Variants in MAGI2 observed in about 807,000 individuals in gnomAD.
MAGI2 encodes membrane associated guanylate kinase, WW and PDZ domain containing 2.
Under a neutral mutation model 133.3 loss-of-function variants are expected in MAGI2, and 35 were observed. The observed-to-expected ratio is 0.26, with a 90% CI of 0.20 to 0.35. The LOEUF is 0.35. Ranked by LOEUF, MAGI2 falls within the 10% of genes least tolerant of loss-of-function variation. The pLI, the probability that MAGI2 is intolerant of heterozygous loss-of-function variation, is 1.00. For missense variants in MAGI2, 1,636 were observed against 1,863.4 expected (o/e 0.88, Z 2.25); for synonymous variants, 729 against 710.6 (o/e 1.03, Z -0.41).
At chr7:79,324,655 T>TA (rs1491265191) in intron 1 of MAGI2, among the ~76,000 whole-genome samples, 3 of 572 alleles carry the variant, frequency 5.2e-3, no homozygotes, top group South Asian at 0.17. Flanking sequence ...TATATATATA[T>TA]TATATATATA....
chr7:78,675,677 G>A (rs1033597345), intron 2 of MAGI2, among the ~76,000 whole-genome samples: 1 of 152,106 alleles, frequency 6.6e-6, no homozygotes, highest in African/African-American at 2.4e-5. Context: ...CACAGATGAG[G>A]TAATATAAAT....
rs931526575 is a variant in MAGI2, at chr7:78,460,968, A to T, written c.1045+28793T>A. Among the ~76,000 whole-genome samples the T allele has an allele frequency of 2.0e-5, 3 of 151,378 alleles. No homozygotes were observed. In the East Asian group the frequency reaches 5.8e-4, roughly 29 times the overall value. ...CACACACACACACACACACACTCTC[A>T]CACACACACCCTTCTTTTTAAAAAA... is the stretch of plus-strand genomic sequence containing the variant. On this transcript the variant is annotated intron_variant, in intron 6 of 21. Coordinates refer to ENST00000354212, the MANE Select transcript of MAGI2 (RefSeq NM_012301.4).
intron 2 of MAGI2, among the ~76,000 whole-genome samples, chr7:78,944,582 T>C (rs1363844837): frequency 1.3e-5 from 2 of 152,038 alleles, no homozygotes; most frequent in African/African-American, 4.8e-5. Context: ...TAAATAAAAG[T>C]GACACTCCAG....
intron 1 of MAGI2, among the ~76,000 whole-genome samples, chr7:79,131,146 G>T (rs1330783904): frequency 6.6e-6 from 1 of 152,140 alleles, no homozygotes; most frequent in African/African-American, 2.4e-5. Context: ...TAATTTAGGG[G>T]AAAGTAAGGT....
chr7:78,909,442 A>G (rs1191833658), intron 2 of MAGI2, among the ~76,000 whole-genome samples: 2 of 150,926 alleles, frequency 1.3e-5, no homozygotes, highest in African/African-American at 2.4e-5. Context: ...AAAAAAAAAA[A>G]AACAAAAAAA....
intron 2 of MAGI2, among the ~76,000 whole-genome samples, chr7:78,734,933 C>T (rs1821704910): frequency 6.6e-6 from 1 of 152,136 alleles, no homozygotes; most frequent in Non-Finnish European, 1.5e-5. Flanking sequence ...TTGTTGTATG[C>T]CACTGAGATT....
At chr7:78,832,083 C>T (rs897635926) in intron 2 of MAGI2, among the ~76,000 whole-genome samples, 2 of 151,202 alleles carry the variant, frequency 1.3e-5, no homozygotes, top group African/African-American at 4.9e-5. Context: ...CTTTCTCTTG[C>T]TATTTTTTTT....
chr7:79,119,148 C>T (rs187041631), intron 1 of MAGI2, among the ~76,000 whole-genome samples: 44 of 152,156 alleles, frequency 2.9e-4, no homozygotes, highest in Admixed American at 1.4e-3. Flanking sequence ...GAGAAATCAG[C>T]GAAGTAATTT....
intron 1 of MAGI2, among the ~76,000 whole-genome samples, chr7:79,198,266 A>AAC (rs4020772): frequency 0.13 from 20,275 of 151,248 alleles, 3,187 homozygotes; most frequent in African/African-American, 0.37. Context: ...ACAAACAAAC[A>AAC]AACAACAACA....
chr7:78,776,344 A>C (rs1008315911), intron 2 of MAGI2, among the ~76,000 whole-genome samples: 2 of 152,194 alleles, frequency 1.3e-5, no homozygotes, highest in Non-Finnish European at 2.9e-5. Context: ...TCAAATTAGG[A>C]AGCTACACTT....
At chr7:78,877,243 T>G (rs1385133067) in intron 2 of MAGI2, among the ~76,000 whole-genome samples, 1 of 152,248 alleles carries the variant, frequency 6.6e-6, no homozygotes, top group Non-Finnish European at 1.5e-5. Context: ...GGTGAGAGTT[T>G]TGTTGTGTTA....
intron 2 of MAGI2, among the ~76,000 whole-genome samples, chr7:78,676,793 C>T (rs930980723): frequency 6.6e-6 from 1 of 152,054 alleles, no homozygotes; most frequent in South Asian, 2.1e-4. Context: ...ATGCTAGCAT[C>T]AATGCATTTT....
intron 2 of MAGI2, among the ~76,000 whole-genome samples, chr7:78,695,714 T>C (rs527427538): frequency 7.9e-5 from 12 of 152,280 alleles, no homozygotes; most frequent in African/African-American, 2.9e-4. Flanking sequence ...AAGGAGGATT[T>C]AGTGGGGGGA....
At chr7:78,838,686 T>C (rs1168516430) in intron 2 of MAGI2, among the ~76,000 whole-genome samples, 1 of 152,000 alleles carries the variant, frequency 6.6e-6, no homozygotes, top group Non-Finnish European at 1.5e-5. Flanking sequence ...ACATTGAATA[T>C]GGAATATTTT....
At chr7:79,299,069 A>T (rs1399149687) in intron 1 of MAGI2, among the ~76,000 whole-genome samples, 5 of 152,160 alleles carry the variant, frequency 3.3e-5, no homozygotes, top group Non-Finnish European at 1.5e-5. Flanking sequence ...ATTTTAAAAA[A>T]CTGAAGCAGA....
intron 1 of MAGI2, among the ~76,000 whole-genome samples, chr7:79,423,272 A>C (rs1474051044): frequency 1.3e-5 from 2 of 152,200 alleles, no homozygotes; most frequent in Admixed American, 6.6e-5. Flanking sequence ...TTAATCTTCA[A>C]CACCACTAGG....
intron 4 of MAGI2, among the ~76,000 whole-genome samples, chr7:78,511,931 T>TAAA (rs369351062): frequency 0.081 from 11,789 of 145,488 alleles, 565 homozygotes; most frequent in Non-Finnish European, 0.12. Flanking sequence ...TCGTCTCTAC[T>TAAA]AAAAAAAAAA....
At chr7:78,838,347 T>A (rs1584097033) in intron 2 of MAGI2, among the ~76,000 whole-genome samples, 1 of 152,086 alleles carries the variant, frequency 6.6e-6, no homozygotes, top group South Asian at 2.1e-4. Context: ...AGGTTCAGGT[T>A]AACTTGGAGG....
chr7:78,756,544 C>T (rs779444381), intron 2 of MAGI2, among the ~76,000 whole-genome samples: 6 of 152,072 alleles, frequency 3.9e-5, no homozygotes, highest in Non-Finnish European at 7.3e-5. Context: ...CAGCAATACA[C>T]GCATTTGGCA....
Sources: gnomAD v4.1 joint callset for allele counts (sites outside exome capture counted in the v4.1 genomes callset) on GRCh38, gnomAD v4.1.1 for gene constraint, MANE v1.5 for transcripts, NCBI Gene and HGNC (gene_info 2026-07-23, HGNC 2026-07-21) for gene names.